The following MYO18A variants were observed in gnomAD, a reference collection of about 807,000 sequenced individuals.
The protein encoded by MYO18A is unconventional myosin-XVIIIa.
MYO18A carries 78 observed loss-of-function variants against 235.8 expected under a neutral mutation model. The ratio of observed to expected loss-of-function variants is 0.33; its 90% CI spans 0.28 to 0.40. MYO18A has a LOEUF of 0.40. MYO18A is among the 10% of genes least tolerant of loss of function. The pLI is 1.00. For missense variants in MYO18A, 2,215 were observed against 2,699.3 expected, an observed-to-expected ratio of 0.82 and a Z score of 3.98; for synonymous variants, 977 against 1,077.8, an observed-to-expected ratio of 0.91 and a Z score of 1.83.
At chr17:29,083,551 C>CAT in intron 40 of MYO18A, among the ~76,000 whole-genome samples, 1 of 151,942 alleles carries the variant, frequency 6.6e-6, no homozygotes, top group East Asian at 1.9e-4. Flanking sequence ...CACACACACA[C>CAT]ACACACACGA....
In MYO18A at chr17:29,111,983, A is replaced by T; in HGVS notation, c.2599-120T>A. 1 of 1,278,896 alleles carries T rather than the reference A, an allele frequency of 7.8e-7. No individual in the cohort carries two copies. The highest frequency in any genetic ancestry group is 1.1e-6 in the Non-Finnish European group (1 of 936,892). 79.2% of individuals were successfully genotyped at this position (1,278,896 alleles called of 1,614,324 possible). On this transcript the variant is annotated intron_variant, in intron 15 of 41. Coordinates refer to ENST00000527372, the MANE Select transcript of MYO18A (RefSeq NM_078471.4). The surrounding 1 kb of genome is among the most constrained non-coding windows in gnomAD (Gnocchi z 5.1). Reference sequence around the variant, plus strand: ...CACATGTGCACACATGCACACACGCACATGCCGCAGCTCCTGCCGCTCACT... The same window carrying T: ...CACATGTGCACACATGCACACACGCTCATGCCGCAGCTCCTGCCGCTCACT...
chr17:29,080,756 G>C, intron 41 of MYO18A: 1 of 985,592 alleles, frequency 1.0e-6, no homozygotes, highest in Non-Finnish European at 1.2e-6. Flanking sequence ...GTCCCCGAGC[G>C]GACGGAGCCG....
At chr17:29,107,458 T>G in intron 19 of MYO18A, 8 of 434,526 alleles carry the variant, frequency 1.8e-5, no homozygotes, top group East Asian at 4.3e-5. Flanking sequence ...AGTAAGCTCC[T>G]AGTAGTCAGT....
rs1223799081 is a variant in MYO18A, at chr17:29,073,974, G to C, written c.*796C>G. 4 of 1,613,884 alleles carry C rather than the reference G, an allele frequency of 2.5e-6. No individual in the cohort carries two copies. The highest frequency in any genetic ancestry group is 3.4e-6 in the Non-Finnish European group (4 of 1,179,978). ...AGTTGGAATGGGTTTACCTTAAATA[G>C]GTCATTGCACATAACACGCTGAGAC... On this transcript the variant is annotated 3_prime_UTR_variant, in exon 42 of 42. Coordinates refer to ENST00000527372, the MANE Select transcript of MYO18A (RefSeq NM_078471.4).
intron 34 of MYO18A, chr17:29,091,554 A>C: frequency 2.2e-6 from 1 of 448,326 alleles, no homozygotes; most frequent in South Asian, 1.6e-5. Context: ...CAAGAAATTT[A>C]TTAACTCAGA....
intron 2 of MYO18A, among the ~76,000 whole-genome samples, chr17:29,137,965 T>G (rs1567625188): frequency 2.0e-5 from 3 of 152,036 alleles, no homozygotes; most frequent in Non-Finnish European, 4.4e-5. Flanking sequence ...GAAGCATTTG[T>G]TCTCAAAGAG....
In MYO18A at chr17:29,121,029, G is replaced by A. The variant is rs766399180; in HGVS notation, c.1554C>T (p.Ile518=). 44 of 1,612,438 alleles carry A rather than the reference G, an allele frequency of 2.7e-5. No individual in the cohort carries two copies. The highest frequency in any genetic ancestry group is 6.7e-5 in the Admixed American group (4 of 59,848). Residue 518 remains isoleucine (I), a synonymous_variant, in exon 6 of 42, where the codon ATC becomes ATT. Transcript: ENST00000527372. This position sits in a 1 kb window ranked among gnomAD's most constrained non-coding sequence, Gnocchi z 4.2. ...ACACCTTGTTCCCGCTGATGCCCGCGATGGTGGCCAGGTACTGCACCAGAT... is the reference window on the plus strand; with the variant it reads ...ACACCTTGTTCCCGCTGATGCCCGCAATGGTGGCCAGGTACTGCACCAGAT... ...CQHLVQYLAT[I]AGISGNKVFS... is the part of the protein sequence containing the mutation.
At position 29,115,707 on chromosome 17, in the gene MYO18A, G is replaced by A; in HGVS notation, c.2184C>T (p.Ser728=). ...HKGGTLQRST[S]FRQGPEESGL... is the part of the protein sequence containing the mutation. ...CACTCTCCTCGGGGCCCTGGCGGAA[G>A]GAGGTGGAGCGCTGCAGGGTGCCAC... Residue 728 remains serine, a synonymous_variant, in exon 12 of 42, where the codon TCC becomes TCT. Coordinates refer to ENST00000527372, the MANE Select transcript of MYO18A (RefSeq NM_078471.4). The A allele has an allele frequency of 6.2e-7, 1 of 1,606,798 alleles. No homozygotes were observed. Among genetic ancestry groups the A allele is most frequent in the South Asian group, 1.1e-5 (1 of 89,530 alleles).
rs752433043 is a variant in MYO18A, at chr17:29,098,986, G to A, written c.3637-17C>T. The A allele has an allele frequency of 1.2e-6, 2 of 1,612,354 alleles. No individual in the cohort carries two copies. Among genetic ancestry groups the A allele is most frequent in the South Asian group, 1.1e-5 (1 of 91,016 alleles). On this transcript the variant is annotated splice_polypyrimidine_tract_variant and intron_variant, in intron 22 of 41. Transcript: ENST00000527372. ...GTCCTGGATCTGCAGGTGGGGTGGGGGTGGTGCACAGCGGGGCTCTCAGTC... is the reference window on the plus strand; with the variant it reads ...GTCCTGGATCTGCAGGTGGGGTGGGAGTGGTGCACAGCGGGGCTCTCAGTC...
At position 29,073,560 on chromosome 17, in the gene MYO18A, CAG is replaced by C. The variant is rs1334023193; in HGVS notation, c.*1208_*1209del. The C allele has an allele frequency of 3.2e-5, 10 of 309,802 alleles. No homozygotes were observed. The highest frequency in any genetic ancestry group is 1.3e-4 in the South Asian group (1 of 7,986). 19.2% of individuals were successfully genotyped at this position (309,802 alleles called of 1,614,324 possible). ...CCTTTATTTCCATACATCGGGTAAA[CAG>C]GGGAGAGCACAGCCCAGTGAGTACA... On this transcript the variant is annotated 3_prime_UTR_variant, in exon 42 of 42. Transcript: ENST00000527372.
At chr17:29,142,641 G>A (rs2067766458) in intron 2 of MYO18A, among the ~76,000 whole-genome samples, 1 of 152,182 alleles carries the variant, frequency 6.6e-6, no homozygotes, top group Non-Finnish European at 1.5e-5. Flanking sequence ...TAGGCTTCCA[G>A]GTGATGCTGA....
chr17:29,167,938 A>G (rs1053572305), intron 1 of MYO18A, among the ~76,000 whole-genome samples: 2 of 152,174 alleles, frequency 1.3e-5, no homozygotes, highest in African/African-American at 2.4e-5. Context: ...TACATGCACT[A>G]TCTCCTCTGA....
intron 2 of MYO18A, among the ~76,000 whole-genome samples, chr17:29,154,121 T>TGTGTGTGTGTGCGCGCGCGCGCGCGCGC (rs142430455): frequency 2.7e-5 from 4 of 148,998 alleles, no homozygotes; most frequent in African/African-American, 1.0e-4. Context: ...TGTGTGTGTG[T>TGTGTGTGTGTGCGCGCGCGCGCGCGCGC]GCGCGCGCGT....
At chr17:29,137,587 G>A (rs1195986375) in intron 2 of MYO18A, among the ~76,000 whole-genome samples, 2 of 151,774 alleles carry the variant, frequency 1.3e-5, no homozygotes, top group African/African-American at 2.4e-5. Flanking sequence ...CTGACTTAAA[G>A]AAAGAAAAAG....
intron 34 of MYO18A, chr17:29,091,556 T>C (rs1404265693): frequency 2.2e-6 from 1 of 448,924 alleles, no homozygotes; most frequent in Non-Finnish European, 4.5e-6. Context: ...AGAAATTTAT[T>C]AACTCAGATT....
chr17:29,110,197 C>A, intron 18 of MYO18A, 96 bp from the exon 19 acceptor site: 1 of 1,493,636 alleles, frequency 6.7e-7, no homozygotes, highest in South Asian at 1.3e-5. Context: ...CACAGGGTAG[C>A]AGCGGCCCCA....
rs963665618 is a variant in MYO18A, at chr17:29,073,823, C to A, written c.*947G>T. 1 of 1,558,390 alleles carries A rather than the reference C, an allele frequency of 6.4e-7. No individual in the cohort carries two copies. Among genetic ancestry groups the A allele is most frequent in the East Asian group, 2.3e-5 (1 of 44,044 alleles). On this transcript the variant is annotated 3_prime_UTR_variant, in exon 42 of 42. Coordinates refer to ENST00000527372, the MANE Select transcript of MYO18A (RefSeq NM_078471.4). ...GTCTAATGAGCACCGGCCAAAACTT[C>A]CATCTTCAGTTTTTCTGATCACAAG...
intron 26 of MYO18A, among the ~76,000 whole-genome samples, 191 bp from the exon 27 acceptor site, chr17:29,097,541 G>A (rs2066549175): frequency 6.6e-6 from 1 of 152,236 alleles, no homozygotes; most frequent in African/African-American, 2.4e-5. Flanking sequence ...ATGAGATGTG[G>A]CTACATGTGC....
intron 2 of MYO18A, among the ~76,000 whole-genome samples, chr17:29,127,431 G>A (rs1001476957): frequency 4.6e-5 from 7 of 152,208 alleles, no homozygotes; most frequent in African/African-American, 9.6e-5. Context: ...GTCTGAGATG[G>A]GACTTTGCTG....
Sources: allele counts gnomAD v4.1 joint callset (sites outside exome capture counted in the v4.1 genomes callset), GRCh38; gene constraint gnomAD v4.1.1; non-coding constraint Gnocchi (gnomAD v3.1); transcripts MANE v1.5; gene names NCBI Gene and HGNC (gene_info 2026-07-23, HGNC 2026-07-21).